Variants in MTHFS observed in about 807,000 individuals in gnomAD.
MTHFS encodes 5-formyltetrahydrofolate cyclo-ligase.
In MTHFS, 7 loss-of-function variants were observed where a neutral mutation model predicts 12.7. The ratio of observed to expected loss-of-function variants is 0.55; its 90% confidence interval spans 0.31 to 1.03. MTHFS has a LOEUF of 1.03. Ranked by LOEUF, MTHFS falls within the 50% of genes least tolerant of loss-of-function variation. The pLI, the probability that MTHFS is intolerant of heterozygous loss-of-function variation, is 0.05. For synonymous variants in MTHFS, 100 were observed against 97.1 expected (o/e 1.03, Z -0.18); for missense variants, 252 against 258.1 (o/e 0.98, Z 0.16).
At chr15:79,855,802 A>G (rs2033790667) in intron 2 of MTHFS, among the ~76,000 whole-genome samples, 1 of 152,160 alleles carries the variant, frequency 6.6e-6, no homozygotes, top group African/African-American at 2.4e-5. Context: ...TTTGCTTAGG[A>G]TAATACCCTC....
chr15:79,845,540 G>T, intron 2 of MTHFS, 98 bp from the exon 3 acceptor site: 1 of 1,449,078 alleles, frequency 6.9e-7, no homozygotes. Flanking sequence ...TTCTTTCTCT[G>T]ATTTCTAAAA....
chr15:79,867,874 CT>C (rs994287860), intron 2 of MTHFS, among the ~76,000 whole-genome samples: 2 of 152,196 alleles, frequency 1.3e-5, no homozygotes, highest in African/African-American at 4.8e-5. Flanking sequence ...GACCTACAAT[CT>C]ACTGGGATCA....
chr15:79,864,704 T>C (rs1247267527), intron 2 of MTHFS, among the ~76,000 whole-genome samples: 1 of 152,100 alleles, frequency 6.6e-6, no homozygotes. Context: ...GACAAGTTAG[T>C]ACCCCCTTGC....
At chr15:79,853,711 T>G (rs1048569187) in intron 2 of MTHFS, among the ~76,000 whole-genome samples, 3 of 152,296 alleles carry the variant, frequency 2.0e-5, no homozygotes, top group East Asian at 1.9e-4. Flanking sequence ...GCTAGAAACA[T>G]GCAGAGCGGT....
chr15:79,857,747 A>G (rs2033836167), intron 2 of MTHFS, among the ~76,000 whole-genome samples: 1 of 152,134 alleles, frequency 6.6e-6, no homozygotes, highest in African/African-American at 2.4e-5. Context: ...CCGGCTGGGC[A>G]CAGTGGCTCA....
At position 79,870,964 on chromosome 15, in the gene MTHFS, G is replaced by A. The variant is rs111652932; in HGVS notation, c.379+18129C>T. 3.7e-3 allele frequency among the ~76,000 whole-genome samples: 562 copies of A among 152,160 alleles called. 4 individuals are homozygous for A. Among genetic ancestry groups the A allele is most frequent in the African/African-American group, 0.013 (545 of 41,500 alleles). On this transcript the variant is annotated intron_variant, in intron 2 of 2. Transcript: ENST00000258874. ...TCGAGACCAGCCTGGTCAACATGGT[G>A]AAAGCTGTCTCTACTAAAAATACAA...
chr15:79,861,742 G>A (rs1488845180), intron 2 of MTHFS, among the ~76,000 whole-genome samples: 1 of 152,190 alleles, frequency 6.6e-6, no homozygotes, highest in African/African-American at 2.4e-5. Flanking sequence ...TCAATGCTAT[G>A]TAACCACTTA....
At chr15:79,877,308 T>A (rs1055881372) in intron 2 of MTHFS, 2 of 152,100 alleles carry the variant, frequency 1.3e-5, no homozygotes, top group African/African-American at 4.8e-5. Flanking sequence ...GAAAAAAATT[T>A]TTTTTGAAAA....
At chr15:79,871,087 G>C (rs2034096801) in intron 2 of MTHFS, among the ~76,000 whole-genome samples, 2 of 152,092 alleles carry the variant, frequency 1.3e-5, no homozygotes, top group South Asian at 4.1e-4. Context: ...AAGTTGCAGT[G>C]AGCCAAGATT....
rs60965104 is a variant in MTHFS at position 79,847,019 on chromosome 15, C to T, written c.380-1577G>A. Among the ~76,000 whole-genome samples the T allele has an allele frequency of 0.022, 3,306 of 152,258 alleles. 195 individuals carry two copies. In the East Asian group the frequency reaches 0.22, roughly 10 times the overall value. ...CGCATGTAATTTCCATTCCAATGCA[C>T]GGCAGCAGTCTCTGCCAAATGCCCC... On this transcript the variant is annotated intron_variant, in intron 2 of 2. Transcript: ENST00000258874.
chr15:79,872,642 T>C (rs1188663935), intron 2 of MTHFS, among the ~76,000 whole-genome samples: 1 of 152,224 alleles, frequency 6.6e-6, no homozygotes, highest in Non-Finnish European at 1.5e-5. Flanking sequence ...ATTGAGGTTA[T>C]TTAGAACTTT....
intron 2 of MTHFS, among the ~76,000 whole-genome samples, chr15:79,867,632 A>G (rs1410942202): frequency 1.3e-5 from 2 of 152,064 alleles, no homozygotes; most frequent in Non-Finnish European, 2.9e-5. Context: ...AACCAACAGA[A>G]GTTTTCCAAA....
At chr15:79,866,908 A>T (rs2034021522) in intron 2 of MTHFS, among the ~76,000 whole-genome samples, 1 of 152,134 alleles carries the variant, frequency 6.6e-6, no homozygotes. Flanking sequence ...GTGAGCTGAG[A>T]TCGTGCCATT....
At chr15:79,875,271 C>T (rs1351185290) in intron 2 of MTHFS, among the ~76,000 whole-genome samples, 4 of 145,960 alleles carry the variant, frequency 2.7e-5, no homozygotes, top group East Asian at 2.0e-4. Flanking sequence ...GCAACAAAAG[C>T]GACAAAAAAA....
In MTHFS at chr15:79,896,644, T is replaced by C. The variant is rs1014006275; in HGVS notation, c.117+228A>G. ...CAACCCCTGCCGTCCTCTCGCTCTT[T>C]AGCCCCACAACTTTCACTACCGGGC... is the stretch of plus-strand genomic sequence containing the variant. On this transcript the variant is annotated intron_variant, in intron 1 of 2. Transcript: ENST00000258874. 19 of 753,626 alleles carry C rather than the reference T, an allele frequency of 2.5e-5. No homozygotes were observed. The Admixed American group carries it at 5.0e-4, about 20-fold the overall frequency. 46.7% of individuals were successfully genotyped at this position (753,626 alleles called of 1,614,324 possible).
At chr15:79,852,835 T>C (rs996555814) in intron 2 of MTHFS, among the ~76,000 whole-genome samples, 3 of 152,238 alleles carry the variant, frequency 2.0e-5, no homozygotes, top group Non-Finnish European at 4.4e-5. Context: ...AACCCAAGTG[T>C]ATTATGGGTT....
Position 79,875,308 on chromosome 15 carries a change from T to G in MTHFS, c.379+13785A>C, listed in dbSNP as rs1484178619. On this transcript the variant is annotated intron_variant, in intron 2 of 2. Transcript: ENST00000258874. ...AAAAAAATCACTAGAGATCCTCAGATCCTCATAAGATTAACAGCTGAATTG... is the reference window on the plus strand; with the variant it reads ...AAAAAAATCACTAGAGATCCTCAGAGCCTCATAAGATTAACAGCTGAATTG... Among the ~76,000 whole-genome samples the G allele has an allele frequency of 1.3e-5, 2 of 148,868 alleles. 1 individual carries two copies. Among genetic ancestry groups the G allele is most frequent in the African/African-American group, 4.9e-5 (2 of 40,516 alleles).
At chr15:79,879,629 A>G (rs16971478) in intron 2 of MTHFS, among the ~76,000 whole-genome samples, 6,240 of 152,198 alleles carry the variant, frequency 0.041, 354 homozygotes, top group East Asian at 0.26. Flanking sequence ...AAAATGTTGA[A>G]GTAAAATTAA....
chr15:79,882,125 G>T (rs1339800228), intron 2 of MTHFS, among the ~76,000 whole-genome samples: 2 of 152,164 alleles, frequency 1.3e-5, no homozygotes, highest in Non-Finnish European at 2.9e-5. Flanking sequence ...TAGTGAGAAC[G>T]ATTTTTGTTA....
Sources: allele counts gnomAD v4.1 joint callset (sites outside exome capture counted in the v4.1 genomes callset), GRCh38; gene constraint gnomAD v4.1.1; transcripts MANE v1.5; gene names NCBI Gene and HGNC (gene_info 2026-07-23, HGNC 2026-07-21).